MTUS1: variants seen among roughly 807,000 people sequenced by gnomAD.
The protein encoded by MTUS1 is microtubule associated scaffold protein 1.
MTUS1 carries 109 observed loss-of-function variants against 120.8 expected under a neutral mutation model. That is an observed-to-expected ratio of 0.90 (90% CI 0.77 to 1.06). The LOEUF (loss-of-function observed/expected upper bound fraction) is 1.06. MTUS1 is among the 50% of genes least tolerant of loss of function. The probability of loss-of-function intolerance (pLI) is 0.00; values close to 1 mark genes in which losing one functional copy is unlikely to be tolerated. For missense variants in MTUS1, 2,210 were observed against 1,486.3 expected (o/e 1.49, Z -8.01); for synonymous variants, 737 against 550.5 (o/e 1.34, Z -4.74).
At chr8:17,735,541 G>A (rs1233471099) in intron 3 of MTUS1, among the ~76,000 whole-genome samples, 1 of 152,182 alleles carries the variant, frequency 6.6e-6, no homozygotes, top group Non-Finnish European at 1.5e-5. Context: ...CTCTGGCCTT[G>A]ACGTTCCCCA....
At position 17,646,117 on chromosome 8, in the gene MTUS1, C is replaced by G; in HGVS notation, c.3622G>C (p.Val1208Leu). ...TCCTTCTCCAGCGACTCTTGCAGAA[C>G]AGCCTGCTCCGTGGAAAGCTGCCTT... ...ISRQLSTEQA[V>L]LQESLEKESK... Residue 1208 changes from valine to leucine, a missense_variant, in exon 15 of 15, where the codon GTT becomes CTT. Physicochemically the swap from Val to Leu is conservative, Grantham distance 32 (BLOSUM62 1). Coordinates refer to ENST00000693296, the MANE Select transcript of MTUS1 (RefSeq NM_001363059.2). The G allele has an allele frequency of 2.5e-6, 4 of 1,611,890 alleles. No individual in the cohort carries two copies. The highest frequency in any genetic ancestry group is 3.4e-6 in the Non-Finnish European group (4 of 1,179,310).
At chr8:17,650,723 T>C (rs578089892) in intron 12 of MTUS1, among the ~76,000 whole-genome samples, 16 of 152,104 alleles carry the variant, frequency 1.1e-4, no homozygotes, top group African/African-American at 3.4e-4. Flanking sequence ...CACAAAACTC[T>C]CCAAAATAAA....
chr8:17,723,932 G>A, intron 3 of MTUS1, 99 bp from the exon 4 acceptor site: 1 of 902,224 alleles, frequency 1.1e-6, no homozygotes, highest in Non-Finnish European at 1.7e-6. Context: ...TAACAACAAA[G>A]TCAAAACACA....
intron 7 of MTUS1, among the ~76,000 whole-genome samples, chr8:17,681,359 A>G (rs931415905): frequency 1.3e-5 from 2 of 152,206 alleles, no homozygotes; most frequent in Non-Finnish European, 2.9e-5. Flanking sequence ...GCAACCCAGT[A>G]ATGATACGTG....
intron 1 of MTUS1, among the ~76,000 whole-genome samples, chr8:17,777,169 G>A (rs1200781724): frequency 6.6e-6 from 1 of 152,116 alleles, no homozygotes. Flanking sequence ...GGGCACTGTG[G>A]CTCATGCTTG....
rs2045850430 is a variant in MTUS1, at chr8:17,721,647, T to C, written c.2449+2025A>G. 1.3e-5 allele frequency: 19 copies of C among 1,496,130 alleles called. No homozygotes were observed. In the South Asian group the frequency reaches 2.7e-4, roughly 21 times the overall value. The allele number at this position is 1,496,130 out of a possible 1,614,324, so 92.7% of individuals were successfully genotyped here. ...AAAACAGAAGTCAAGAGATCCTAAATCAATTTATTGAATAAAAATTTAAGC... is the reference window on the plus strand; with the variant it reads ...AAAACAGAAGTCAAGAGATCCTAAACCAATTTATTGAATAAAAATTTAAGC... On this transcript the variant is annotated intron_variant, in intron 4 of 14. Coordinates refer to ENST00000693296, the MANE Select transcript of MTUS1 (RefSeq NM_001363059.2).
intron 8 of MTUS1, among the ~76,000 whole-genome samples, chr8:17,657,777 G>A (rs2130320312): frequency 1.6e-5 from 2 of 127,530 alleles, no homozygotes; most frequent in East Asian, 4.5e-4. Context: ...CAACTGTTGG[G>A]CAACAGAGCA....
At chr8:17,722,290 G>T in intron 4 of MTUS1, 1 of 979,054 alleles carries the variant, frequency 1.0e-6, no homozygotes, top group South Asian at 4.7e-5. Context: ...GACTGTGTCT[G>T]CTTCAAGTGC....
intron 6 of MTUS1, among the ~76,000 whole-genome samples, chr8:17,703,305 T>C (rs1030341693): frequency 6.6e-6 from 1 of 152,256 alleles, no homozygotes; most frequent in Non-Finnish European, 1.5e-5. Flanking sequence ...GGTAGGTCTA[T>C]AAACGGCCGC....
intron 4 of MTUS1, among the ~76,000 whole-genome samples, chr8:17,721,301 T>A (rs189340621): frequency 6.6e-6 from 1 of 152,204 alleles, no homozygotes; most frequent in Non-Finnish European, 1.5e-5. Flanking sequence ...TATACATGTT[T>A]AATACTTTCA....
intron 6 of MTUS1, among the ~76,000 whole-genome samples, chr8:17,703,494 G>A (rs186535787): frequency 9.2e-4 from 140 of 152,050 alleles, no homozygotes; most frequent in Admixed American, 2.8e-3. Flanking sequence ...TTTGCCTAGC[G>A]TGGTGGTGCG....
intron 3 of MTUS1, among the ~76,000 whole-genome samples, chr8:17,739,455 T>C (rs1038836454): frequency 2.7e-5 from 4 of 150,514 alleles, no homozygotes; most frequent in Non-Finnish European, 4.5e-5. Flanking sequence ...ATTGCGTCAA[T>C]TGCACTCCAG....
intron 13 of MTUS1, among the ~76,000 whole-genome samples, chr8:17,648,715 C>T (rs1806341128): frequency 6.6e-6 from 1 of 152,222 alleles, no homozygotes; most frequent in South Asian, 2.1e-4. Context: ...GCCAAACCAA[C>T]ACAAACCAAG....
At chr8:17,765,994 A>C (rs890689505) in intron 1 of MTUS1, among the ~76,000 whole-genome samples, 1 of 152,134 alleles carries the variant, frequency 6.6e-6, no homozygotes, top group Non-Finnish European at 1.5e-5. Context: ...TATATACTTT[A>C]CATACTATAA....
chr8:17,658,024 GACACACACACACACAC>G (rs58132896), intron 8 of MTUS1, among the ~76,000 whole-genome samples: 7 of 140,512 alleles, frequency 5.0e-5, no homozygotes, highest in South Asian at 2.3e-4. Context: ...TATATATATA[GACACACACACACACAC>G]ACACACACAC....
chr8:17,647,485 C>T (rs895899135), intron 13 of MTUS1, among the ~76,000 whole-genome samples: 4 of 151,744 alleles, frequency 2.6e-5, no homozygotes, highest in African/African-American at 9.7e-5. Flanking sequence ...ATTCCCACAT[C>T]TGATGAAAAC....
At chr8:17,789,986 T>G (rs529939106) in intron 1 of MTUS1, among the ~76,000 whole-genome samples, 191 of 152,272 alleles carry the variant, frequency 1.3e-3, no homozygotes, top group African/African-American at 4.5e-3. Context: ...ATTACCTCCA[T>G]TTCCTCCACT....
intron 6 of MTUS1, among the ~76,000 whole-genome samples, chr8:17,699,604 T>G (rs565916672): frequency 4.6e-5 from 7 of 152,338 alleles, no homozygotes; most frequent in Non-Finnish European, 1.0e-4. Context: ...TCATTAACAT[T>G]TTTACTTGAA....
intron 6 of MTUS1, among the ~76,000 whole-genome samples, chr8:17,696,721 G>T (rs1818051509): frequency 6.6e-6 from 1 of 152,160 alleles, no homozygotes; most frequent in Non-Finnish European, 1.5e-5. Context: ...TTATTATGAA[G>T]ATTGGAAAAC....
Sources: allele counts gnomAD v4.1 joint callset (sites outside exome capture counted in the v4.1 genomes callset), GRCh38; gene constraint gnomAD v4.1.1; transcripts MANE v1.5; gene names NCBI Gene and HGNC (gene_info 2026-07-23, HGNC 2026-07-21).